The following METTL8 variants were observed in gnomAD, a reference collection of about 807,000 sequenced individuals.
METTL8 encodes tRNA N(3)-cytidine methyltransferase METTL8, mitochondrial.
METTL8 carries 32 observed loss-of-function variants against 48.7 expected under a neutral mutation model. That is an observed-to-expected ratio of 0.66 (90% confidence interval 0.50 to 0.88). The LOEUF is 0.88. Ranked by LOEUF, METTL8 falls within the 40% of genes least tolerant of loss-of-function variation. METTL8 has a pLI of 0.00. For missense variants in METTL8, 464 were observed against 474.4 expected (o/e 0.98, Z 0.20); for synonymous variants, 136 against 157.1 (o/e 0.87, Z 1.01).
At chr2:171,421,645 A>G (rs1178089741) in intron 1 of METTL8, among the ~76,000 whole-genome samples, 3 of 152,206 alleles carry the variant, frequency 2.0e-5, no homozygotes, top group African/African-American at 7.2e-5. Context: ...TCTTGAATAC[A>G]ATGGGTTTAA....
intron 2 of METTL8, among the ~76,000 whole-genome samples, chr2:171,370,004 T>C (rs995389395): frequency 2.0e-5 from 3 of 151,032 alleles, no homozygotes; most frequent in East Asian, 1.9e-4. Context: ...AGGCAGAGGT[T>C]GCAATGAGCC....
At chr2:171,434,741 G>T (rs1478066454), upstream of METTL8, 7 of 1,395,212 alleles carry the variant, frequency 5.0e-6, no homozygotes, top group Non-Finnish European at 5.5e-6. Context: ...GGAGGGCCGC[G>T]GGCGCGCGGC....
At chr2:171,327,422 T>C (rs1685068352) in intron 7 of METTL8, among the ~76,000 whole-genome samples, 1 of 152,248 alleles carries the variant, frequency 6.6e-6, no homozygotes, top group Admixed American at 6.5e-5. Flanking sequence ...TATCAATGTC[T>C]GCCATGGGCA....
At chr2:171,375,466 C>G (rs1686868220) in intron 2 of METTL8, among the ~76,000 whole-genome samples, 1 of 152,178 alleles carries the variant, frequency 6.6e-6, no homozygotes, top group Admixed American at 6.5e-5. Context: ...ACATCCTTAT[C>G]AACACTTGGT....
intron 5 of METTL8, among the ~76,000 whole-genome samples, chr2:171,336,559 G>T (rs913686666): frequency 6.6e-6 from 1 of 151,500 alleles, no homozygotes; most frequent in Non-Finnish European, 1.5e-5. Context: ...CCGCCACCAC[G>T]CCTGGCTAAT....
chr2:171,392,555 G>A lies in METTL8; in HGVS notation c.-12-358C>T, dbSNP rs531207184. On this transcript the variant is annotated intron_variant, in intron 1 of 9. Coordinates refer to ENST00000375258, the MANE Select transcript of METTL8 (RefSeq NM_001321154.2). ...TTAAAGTAATTTTATTTTTTGGGGGGTAATTCTAGGAAAATATATTTCTAG... is the reference window on the plus strand; with the variant it reads ...TTAAAGTAATTTTATTTTTTGGGGGATAATTCTAGGAAAATATATTTCTAG... Among the ~76,000 whole-genome samples, 28 of 152,052 alleles carry A rather than the reference G, an allele frequency of 1.8e-4. No individual in the cohort carries two copies. The South Asian group carries it at 5.8e-3, about 32-fold the overall frequency.
chr2:171,359,943 G>T (rs1162836193), intron 3 of METTL8, among the ~76,000 whole-genome samples: 1 of 152,214 alleles, frequency 6.6e-6, no homozygotes, highest in South Asian at 2.1e-4. Flanking sequence ...CATTTATGAA[G>T]GTTGGCAAGG....
In METTL8 at chr2:171,324,310, C is replaced by G. The variant is rs1302384309; in HGVS notation, c.1086G>C (p.Leu362=). The change falls in exon 10 of 10, where the codon CTG becomes CTC. Residue 362 remains leucine, a synonymous_variant. Coordinates refer to ENST00000375258, the MANE Select transcript of METTL8 (RefSeq NM_001321154.2). Reference sequence around the variant, plus strand: ...TATTAACTTGTAAGCGGCGATCAACCAGATTTTGCTTTTCATCTAAACTGG... The same window carrying G: ...TATTAACTTGTAAGCGGCGATCAACGAGATTTTGCTTTTCATCTAAACTGG... ...CKASLDEKQN[L]VDRRLQVNRK... 7 of 1,551,640 alleles carry G rather than the reference C, an allele frequency of 4.5e-6. No individual in the cohort carries two copies. The highest frequency in any genetic ancestry group is 6.1e-6 in the Non-Finnish European group (7 of 1,147,006).
intron 2 of METTL8, chr2:171,375,204 G>A: frequency 7.2e-7 from 1 of 1,382,242 alleles, no homozygotes; most frequent in Non-Finnish European, 1.0e-6. Flanking sequence ...ATCGGGTACA[G>A]TTAGTGCAGC....
rs191804673 is a variant in METTL8, at chr2:171,427,983, C to G, written c.-13+5900G>C. Among the ~76,000 whole-genome samples the G allele has an allele frequency of 4.5e-3, 687 of 152,232 alleles. 3 individuals carry two copies. Among genetic ancestry groups the G allele is most frequent in the Non-Finnish European group, 7.5e-3 (512 of 67,998 alleles). Reference sequence around the variant, plus strand: ...AACCTGAGTATTTTATACATTTATTCAGTTATACTATGTTTCTTTAAACAA... The same window carrying G: ...AACCTGAGTATTTTATACATTTATTGAGTTATACTATGTTTCTTTAAACAA... On this transcript the variant is annotated intron_variant, in intron 1 of 9. Coordinates refer to ENST00000375258, the MANE Select transcript of METTL8 (RefSeq NM_001321154.2).
At chr2:171,335,365 T>C (rs1294867353) in intron 5 of METTL8, among the ~76,000 whole-genome samples, 1 of 152,212 alleles carries the variant, frequency 6.6e-6, no homozygotes, top group Admixed American at 6.5e-5. Context: ...AATTGTTGAA[T>C]TGAGGTGTTA....
In METTL8 at chr2:171,337,518, C is replaced by G; in HGVS notation, c.607-16G>C. 1 of 1,591,116 alleles carries G rather than the reference C, an allele frequency of 6.3e-7. No homozygotes were observed. Among genetic ancestry groups the G allele is most frequent in the South Asian group, 1.2e-5 (1 of 86,150 alleles). ...CACAACCAACCTAAAATCAAAAGAA[C>G]AAGCAAATATCAAAAAAAGCAAGGT... On this transcript the variant is annotated splice_polypyrimidine_tract_variant and intron_variant, in intron 4 of 9. Transcript: ENST00000375258.
At chr2:171,427,473 C>T (rs1008431265) in intron 1 of METTL8, among the ~76,000 whole-genome samples, 3 of 152,168 alleles carry the variant, frequency 2.0e-5, no homozygotes, top group East Asian at 1.9e-4. Flanking sequence ...TGGTCCCATC[C>T]GACTGCTCCA....
intron 1 of METTL8, 43 bp from the exon 2 acceptor site, chr2:171,392,240 AGTGT>A: frequency 2.7e-6 from 4 of 1,500,710 alleles, no homozygotes; most frequent in African/African-American, 1.4e-5. Context: ...TAGATTAAAC[AGTGT>A]ATTGTTTATC....
chr2:171,338,085 C>G (rs182264210), intron 4 of METTL8, among the ~76,000 whole-genome samples: 37 of 152,210 alleles, frequency 2.4e-4, no homozygotes, highest in Admixed American at 2.4e-3. Context: ...AAATTATGAA[C>G]TAGAAAATCT....
chr2:171,434,554 A>G, upstream of METTL8: 1 of 1,524,462 alleles, frequency 6.6e-7, no homozygotes, highest in Non-Finnish European at 8.8e-7. Context: ...GGCCCAGCCT[A>G]CCCAGGGCCC....
intron 7 of METTL8, among the ~76,000 whole-genome samples, chr2:171,329,014 C>T (rs1448604947): frequency 2.1e-5 from 3 of 140,812 alleles, no homozygotes; most frequent in Non-Finnish European, 4.6e-5. Flanking sequence ...GAGACAAGGT[C>T]TTGCTTTGTC....
intron 2 of METTL8, chr2:171,375,076 T>A (rs2105512660): frequency 8.7e-7 from 1 of 1,153,066 alleles, no homozygotes; most frequent in Non-Finnish European, 1.3e-6. Flanking sequence ...TAGCTTCACA[T>A]ACAGCTTGGG....
At chr2:171,351,169 G>C (rs1239836358) in intron 3 of METTL8, among the ~76,000 whole-genome samples, 1 of 152,196 alleles carries the variant, frequency 6.6e-6, no homozygotes. Context: ...TCCAGTTCCA[G>C]CTTTCTAATA....
Sources: gnomAD v4.1 joint callset for allele counts (sites outside exome capture counted in the v4.1 genomes callset) on GRCh38, gnomAD v4.1.1 for gene constraint, MANE v1.5 for transcripts, NCBI Gene and HGNC (gene_info 2026-07-23, HGNC 2026-07-21) for gene names.